The following IKZF3 variants were observed in gnomAD, a reference collection of about 807,000 sequenced individuals.
IKZF3 encodes the protein IKAROS family zinc finger 3, also known as zinc finger protein Aiolos.
In IKZF3, 10 loss-of-function variants were observed where a neutral mutation model predicts 49.0. The ratio of observed to expected loss-of-function variants is 0.20; its 90% CI spans 0.13 to 0.35. IKZF3 has a LOEUF of 0.35. Ranked by LOEUF, IKZF3 falls within the 10% of genes least tolerant of loss-of-function variation. The probability of loss-of-function intolerance (pLI) is 1.00; values close to 1 mark genes in which losing one functional copy is unlikely to be tolerated. For missense variants in IKZF3, 498 were observed against 664.8 expected (o/e 0.75, Z 2.76); for synonymous variants, 209 against 228.2 (o/e 0.92, Z 0.76).
Position 39,791,459 on chromosome 17 carries a change from G to A in IKZF3, c.549C>T (p.Cys183=). 1 of 1,613,944 alleles carries A rather than the reference G, an allele frequency of 6.2e-7. No homozygotes were observed. The highest frequency in any genetic ancestry group is 8.5e-7 in the Non-Finnish European group (1 of 1,179,950). Residue 183 remains cysteine, a synonymous_variant, in exon 5 of 8, where the codon TGC becomes TGT. Transcript: ENST00000346872. Reference sequence around the variant, plus strand: ...GCCCCGTGAGCGCATCTCTTCTTTGGCATGCATAGTTGCAGAGGTGACACT... The same window carrying A: ...GCCCCGTGAGCGCATCTCTTCTTTGACATGCATAGTTGCAGAGGTGACACT... ...PFKCHLCNYA[C]QRRDALTGHL...
intron 2 of IKZF3, among the ~76,000 whole-genome samples, chr17:39,830,713 AT>A (rs2062085855): frequency 6.6e-6 from 1 of 152,302 alleles, no homozygotes; most frequent in African/African-American, 2.4e-5. Flanking sequence ...TCAATAAAAT[AT>A]TTGCTGAGTT....
At chr17:39,820,003 C>T (rs2061766571) in intron 3 of IKZF3, among the ~76,000 whole-genome samples, 1 of 152,148 alleles carries the variant, frequency 6.6e-6, no homozygotes, top group Admixed American at 6.5e-5. Context: ...TTAAGAAACT[C>T]ATGTATACAC....
chr17:39,799,604 A>G (rs989376513), intron 3 of IKZF3, among the ~76,000 whole-genome samples: 23 of 152,288 alleles, frequency 1.5e-4, no homozygotes, highest in African/African-American at 5.3e-4. Flanking sequence ...TCAGGCCTCA[A>G]CCTAGACCTA....
Position 39,763,005 on chromosome 17 carries a change from T to C in IKZF3, c.*2785A>G, listed in dbSNP as rs1050899518. 4 of 152,228 alleles carry C rather than the reference T, an allele frequency of 2.6e-5. No homozygotes were observed. Among genetic ancestry groups the C allele is most frequent in the African/African-American group, 9.7e-5 (4 of 41,450 alleles). 9.4% of individuals were successfully genotyped at this position (152,228 alleles called of 1,614,324 possible). A position where few individuals can be genotyped will look rare whatever the true frequency, so the allele number is the denominator to read the frequency against. ...CTAATCCCTGCTTCCAAATTCTCTT[T>C]CTCTTGTCCCTTGAAGAACCAACAG... On this transcript the variant is annotated 3_prime_UTR_variant, in exon 8 of 8. Coordinates refer to ENST00000346872, the MANE Select transcript of IKZF3 (RefSeq NM_012481.5).
At chr17:39,856,697 T>A (rs925273020) in intron 1 of IKZF3, among the ~76,000 whole-genome samples, 1 of 151,592 alleles carries the variant, frequency 6.6e-6, no homozygotes, top group East Asian at 2.0e-4. Flanking sequence ...TCCCAGCTGC[T>A]CGGGAGGCTG....
At chr17:39,856,532 G>A (rs552897095) in intron 1 of IKZF3, among the ~76,000 whole-genome samples, 28 of 152,226 alleles carry the variant, frequency 1.8e-4, no homozygotes, top group African/African-American at 6.5e-4. Flanking sequence ...CTTTTACAGC[G>A]TGGTGGCTCA....
intron 1 of IKZF3, among the ~76,000 whole-genome samples, chr17:39,845,805 G>T (rs1225611025): frequency 6.6e-6 from 1 of 152,072 alleles, no homozygotes; most frequent in Non-Finnish European, 1.5e-5. Context: ...AGTAATCAAA[G>T]AAATAAAACA....
intron 1 of IKZF3, among the ~76,000 whole-genome samples, chr17:39,833,940 T>C (rs1299451094): frequency 2.0e-5 from 3 of 152,198 alleles, no homozygotes; most frequent in Non-Finnish European, 4.4e-5. Context: ...TTTCATCTAA[T>C]GTCCTTTTTC....
At chr17:39,772,206 G>A (rs1454537802) in intron 7 of IKZF3, among the ~76,000 whole-genome samples, 2 of 152,150 alleles carry the variant, frequency 1.3e-5, no homozygotes, top group Non-Finnish European at 2.9e-5. Flanking sequence ...GATTGTGGAG[G>A]GCTCAGAAGG....
chr17:39,851,318 C>T (rs753756075), intron 1 of IKZF3, among the ~76,000 whole-genome samples: 4 of 152,038 alleles, frequency 2.6e-5, no homozygotes, highest in South Asian at 2.1e-4. Context: ...CGTGAGCCAG[C>T]GTGCCTGGCC....
chr17:39,841,205 G>A (rs1433252889), intron 1 of IKZF3, among the ~76,000 whole-genome samples: 1 of 151,856 alleles, frequency 6.6e-6, no homozygotes, highest in Non-Finnish European at 1.5e-5. Context: ...GTTTCCACAT[G>A]GAGGGACAGA....
intron 3 of IKZF3, among the ~76,000 whole-genome samples, chr17:39,808,183 C>T (rs4337325): frequency 0.092 from 14,058 of 152,168 alleles, 1,318 homozygotes; most frequent in African/African-American, 0.24. Flanking sequence ...AGTATAGTTT[C>T]TGAGCTATGA....
intron 3 of IKZF3, among the ~76,000 whole-genome samples, chr17:39,816,634 C>T (rs1171626222): frequency 6.6e-6 from 1 of 152,236 alleles, no homozygotes; most frequent in East Asian, 1.9e-4. Flanking sequence ...CACTAGGCTC[C>T]TGGGAATATA....
chr17:39,841,330 A>C (rs900862884), intron 1 of IKZF3, among the ~76,000 whole-genome samples: 3 of 152,100 alleles, frequency 2.0e-5, no homozygotes, highest in Non-Finnish European at 4.4e-5. Flanking sequence ...GAGGGAATGA[A>C]GTGGCTGGCA....
At chr17:39,823,722 C>G (rs960137541) in intron 3 of IKZF3, among the ~76,000 whole-genome samples, 1 of 152,174 alleles carries the variant, frequency 6.6e-6, no homozygotes, top group Admixed American at 6.5e-5. Flanking sequence ...TCAGAGAGTA[C>G]AAGCCCCAAG....
rs1489406553 is a variant in IKZF3 at position 39,864,222 on chromosome 17, ATTCCCG to A, written c.-102_-97del. On this transcript the variant is annotated 5_prime_UTR_variant, in exon 1 of 8. Coordinates refer to ENST00000346872, the MANE Select transcript of IKZF3 (RefSeq NM_012481.5). Reference sequence around the variant, plus strand: ...GGACTCAGCGCGCAGCTGGCGGGAGATTCCCGGCGCGGGGAGTCCCCGGGATCCGGC... The same window carrying A: ...GGACTCAGCGCGCAGCTGGCGGGAGAGCGCGGGGAGTCCCCGGGATCCGGC... The A allele has an allele frequency of 3.5e-6, 5 of 1,444,170 alleles. No individual in the cohort carries two copies. The highest frequency in any genetic ancestry group is 2.5e-5 in the East Asian group (1 of 39,884). The allele number at this position is 1,444,170 out of a possible 1,614,324, so 89.5% of individuals were successfully genotyped here.
At chr17:39,814,240 A>G (rs2061628352) in intron 3 of IKZF3, among the ~76,000 whole-genome samples, 2 of 152,218 alleles carry the variant, frequency 1.3e-5, no homozygotes, top group Non-Finnish European at 2.9e-5. Flanking sequence ...ACTGCACAAG[A>G]TGTCACAATG....
At chr17:39,848,862 T>G (rs2062711225) in intron 1 of IKZF3, among the ~76,000 whole-genome samples, 3 of 152,034 alleles carry the variant, frequency 2.0e-5, no homozygotes, top group African/African-American at 7.2e-5. Context: ...AAAAAAATGT[T>G]TGGAGAGATG....
intron 3 of IKZF3, among the ~76,000 whole-genome samples, chr17:39,813,798 C>T (rs1355445228): frequency 1.3e-5 from 2 of 152,154 alleles, no homozygotes; most frequent in Admixed American, 1.3e-4. Flanking sequence ...TGTAAGATAA[C>T]CCCTGCATCC....
Sources: allele counts gnomAD v4.1 joint callset (sites outside exome capture counted in the v4.1 genomes callset), GRCh38; gene constraint gnomAD v4.1.1; transcripts MANE v1.5; gene names NCBI Gene and HGNC (gene_info 2026-07-23, HGNC 2026-07-21).